FANCL: variants seen among roughly 807,000 people sequenced by gnomAD.
The protein encoded by FANCL is FA complementation group L.
A neutral mutation model predicts 59.4 loss-of-function variants in FANCL; 69 were observed. The ratio of observed to expected loss-of-function variants is 1.16; its 90% CI spans 0.96 to 1.42. FANCL has a LOEUF of 1.42. Among genes scored for constraint, FANCL ranks in the 40% most tolerant of loss-of-function variants. FANCL has a pLI of 0.00. For synonymous variants in FANCL, 180 were observed against 147.1 expected (o/e 1.22, Z -1.62); for missense variants, 519 against 447.2 (o/e 1.16, Z -1.45).
At chr2:58,161,772 T>C (rs1414449977) in intron 11 of FANCL, 134 bp from the exon 12 acceptor site, 2 of 659,886 alleles carry the variant, frequency 3.0e-6, no homozygotes, top group East Asian at 2.8e-5. Context: ...AATTAAGATA[T>C]TCATCACCTC....
chr2:58,202,672 T>C (rs1393653850), intron 6 of FANCL, among the ~76,000 whole-genome samples: 2 of 151,896 alleles, frequency 1.3e-5, no homozygotes, highest in African/African-American at 2.4e-5. Context: ...AAAAGCATCA[T>C]CTTATCTACC....
At chr2:58,200,540 C>T (rs1048749628) in intron 6 of FANCL, among the ~76,000 whole-genome samples, 2 of 151,986 alleles carry the variant, frequency 1.3e-5, no homozygotes, top group Non-Finnish European at 2.9e-5. Flanking sequence ...AACTCTCTAA[C>T]TTCAATGAAT....
At chr2:58,238,156 AT>A (rs1171434395) in intron 1 of FANCL, among the ~76,000 whole-genome samples, 1 of 152,066 alleles carries the variant, frequency 6.6e-6, no homozygotes, top group African/African-American at 2.4e-5. Flanking sequence ...ACATTATGGG[AT>A]TTTTTGTGAT....
chr2:58,240,260 A>T (rs534702343), intron 1 of FANCL, among the ~76,000 whole-genome samples: 1 of 152,316 alleles, frequency 6.6e-6, no homozygotes, highest in East Asian at 1.9e-4. Flanking sequence ...TGGAATAATG[A>T]ATTTTTAACC....
Position 58,226,853 on chromosome 2 carries a change from A to C in FANCL, c.217-69T>G, listed in dbSNP as rs1319277429. 13 of 1,301,688 alleles carry C rather than the reference A, an allele frequency of 1.0e-5. No individual in the cohort carries two copies. In the Admixed American group the frequency reaches 1.6e-4, roughly 16 times the overall value. The allele number at this position is 1,301,688 out of a possible 1,614,324, so 80.6% of individuals were successfully genotyped here. A position where few individuals can be genotyped will look rare whatever the true frequency, so the allele number is the denominator to read the frequency against. ...ATTCTATCCACTAAAACTGTAAAAA[A>C]ATGTAGGCCCAAGTGAATGTGAAAA... On this transcript the variant is annotated intron_variant, in intron 3 of 13. Coordinates refer to ENST00000233741, the MANE Select transcript of FANCL (RefSeq NM_018062.4).
intron 7 of FANCL, among the ~76,000 whole-genome samples, chr2:58,185,981 C>T (rs1251833448): frequency 6.6e-6 from 1 of 152,142 alleles, no homozygotes; most frequent in Non-Finnish European, 1.5e-5. Context: ...AAACTAGGTA[C>T]AAGTGCAGCT....
At chr2:58,188,101 G>C (rs372161649) in intron 7 of FANCL, among the ~76,000 whole-genome samples, 1 of 151,972 alleles carries the variant, frequency 6.6e-6, no homozygotes, top group East Asian at 1.9e-4. Context: ...TTTGTATATG[G>C]ATCGATGAGG....
At chr2:58,189,361 G>A (rs1416519327) in intron 7 of FANCL, among the ~76,000 whole-genome samples, 1 of 152,054 alleles carries the variant, frequency 6.6e-6, no homozygotes, top group African/African-American at 2.4e-5. Flanking sequence ...ACAGCTTCTC[G>A]TTAGTTTTCT....
At chr2:58,168,670 A>G (rs1686213070) in intron 7 of FANCL, among the ~76,000 whole-genome samples, 1 of 152,100 alleles carries the variant, frequency 6.6e-6, no homozygotes, top group Non-Finnish European at 1.5e-5. Context: ...ATCCCACCCC[A>G]AGAAGCCCAG....
At chr2:58,159,970 G>A (rs1326360761) in intron 13 of FANCL, 138 bp downstream of exon 13, 3 of 1,527,774 alleles carry the variant, frequency 2.0e-6, no homozygotes, top group Non-Finnish European at 2.6e-6. Flanking sequence ...TTTTTGATCA[G>A]AGAATTTGAA....
intron 5 of FANCL, among the ~76,000 whole-genome samples, chr2:58,221,485 C>A (rs1485459167): frequency 6.6e-6 from 1 of 151,850 alleles, no homozygotes; most frequent in Non-Finnish European, 1.5e-5. Flanking sequence ...TCTTACAAAC[C>A]CTAGTTGCTA....
chr2:58,170,010 C>T (rs1686400972), intron 7 of FANCL, among the ~76,000 whole-genome samples: 2 of 152,046 alleles, frequency 1.3e-5, no homozygotes, highest in South Asian at 4.1e-4. Context: ...GCTTCTCCAA[C>T]ATTCCAATTC....
intron 1 of FANCL, among the ~76,000 whole-genome samples, chr2:58,240,231 G>A (rs1157785599): frequency 6.6e-6 from 1 of 152,128 alleles, no homozygotes; most frequent in African/African-American, 2.4e-5. Flanking sequence ...AGGGAAAGGT[G>A]GATTAACTTT....
intron 5 of FANCL, among the ~76,000 whole-genome samples, chr2:58,206,281 A>G (rs907265400): frequency 3.9e-5 from 6 of 152,302 alleles, no homozygotes; most frequent in African/African-American, 1.4e-4. Context: ...TTCATTAATC[A>G]GTTCATAATT....
At chr2:58,230,475 T>C (rs979977531) in intron 2 of FANCL, among the ~76,000 whole-genome samples, 5 of 152,228 alleles carry the variant, frequency 3.3e-5, no homozygotes, top group South Asian at 4.1e-4. Flanking sequence ...GCTAGAAAGA[T>C]ACATACTTCT....
At chr2:58,235,288 G>A (rs1040028693) in intron 1 of FANCL, among the ~76,000 whole-genome samples, 5 of 152,020 alleles carry the variant, frequency 3.3e-5, no homozygotes, top group African/African-American at 1.2e-4. Context: ...AGGTGGGAAC[G>A]TACAGGAACA....
At chr2:58,203,251 T>C (rs1255762895) in intron 6 of FANCL, among the ~76,000 whole-genome samples, 2 of 151,908 alleles carry the variant, frequency 1.3e-5, no homozygotes, top group South Asian at 4.1e-4. Flanking sequence ...CTATAAGATA[T>C]CAACTTTTCT....
At chr2:58,197,930 T>G (rs2105094429) in intron 7 of FANCL, among the ~76,000 whole-genome samples, 1 of 152,330 alleles carries the variant, frequency 6.6e-6, no homozygotes, top group Non-Finnish European at 1.5e-5. Flanking sequence ...CACTGCTTTC[T>G]ACAGAGTTCT....
chr2:58,197,840 A>T (rs1465285938), intron 7 of FANCL, among the ~76,000 whole-genome samples: 1 of 152,206 alleles, frequency 6.6e-6, no homozygotes, highest in Non-Finnish European at 1.5e-5. Flanking sequence ...CTCCTCTGAA[A>T]AGGATTCTCT....
Sources: allele counts gnomAD v4.1 joint callset (sites outside exome capture counted in the v4.1 genomes callset), GRCh38; gene constraint gnomAD v4.1.1; transcripts MANE v1.5; gene names NCBI Gene and HGNC (gene_info 2026-07-23, HGNC 2026-07-21).